ARHGEF38: variants seen among roughly 807,000 people sequenced by gnomAD.
ARHGEF38 encodes the protein Rho guanine nucleotide exchange factor 38, also known as Rho guanine nucleotide exchange factor (GEF) 38.
Under a neutral mutation model 79.9 loss-of-function variants are expected in ARHGEF38, and 79 were observed. The ratio of observed to expected loss-of-function variants is 0.99; its 90% CI spans 0.82 to 1.19. The LOEUF (loss-of-function observed/expected upper bound fraction) is 1.19. Ranked by LOEUF, ARHGEF38 falls within the 50% of genes most tolerant of loss-of-function variation. The pLI is 0.00. For missense variants in ARHGEF38, 962 were observed against 907.2 expected (o/e 1.06, Z -0.78); for synonymous variants, 366 against 328.3 (o/e 1.11, Z -1.24).
chr4:105,631,555 TC>T, intron 4 of ARHGEF38: 1 of 985,438 alleles, frequency 1.0e-6, no homozygotes, highest in Non-Finnish European at 1.2e-6. Context: ...TCCTTTCTCA[TC>T]CCTAAAACAT....
At chr4:105,648,267 G>A (rs1729939494) in intron 6 of ARHGEF38, among the ~76,000 whole-genome samples, 1 of 151,920 alleles carries the variant, frequency 6.6e-6, no homozygotes, top group Admixed American at 6.6e-5. Context: ...GAGACGAGAG[G>A]GAGAACTTTT....
chr4:105,669,978 C>A (rs1360359731), intron 13 of ARHGEF38, among the ~76,000 whole-genome samples: 1 of 152,024 alleles, frequency 6.6e-6, no homozygotes, highest in Non-Finnish European at 1.5e-5. Flanking sequence ...TACTTTGTTG[C>A]TTTTTATCGC....
intron 3 of ARHGEF38, among the ~76,000 whole-genome samples, chr4:105,614,042 AT>A (rs1267618700): frequency 2.0e-5 from 3 of 151,972 alleles, no homozygotes; most frequent in African/African-American, 7.3e-5. Context: ...TTTACTGTCA[AT>A]CAGATATATT....
intron 1 of ARHGEF38, among the ~76,000 whole-genome samples, chr4:105,571,328 T>C (rs1578265022): frequency 1.4e-5 from 2 of 143,454 alleles, no homozygotes; most frequent in Admixed American, 1.4e-4. Flanking sequence ...TTTCTTTTTT[T>C]TTTTTTTTTT....
At chr4:105,658,765 C>T (rs1175452677) in intron 9 of ARHGEF38, among the ~76,000 whole-genome samples, 1 of 152,144 alleles carries the variant, frequency 6.6e-6, no homozygotes, top group Non-Finnish European at 1.5e-5. Context: ...AAACCAAAGA[C>T]TGTAGAGAAA....
At chr4:105,581,992 C>G (rs568370327) in intron 1 of ARHGEF38, among the ~76,000 whole-genome samples, 10 of 151,854 alleles carry the variant, frequency 6.6e-5, no homozygotes, top group Admixed American at 2.0e-4. Flanking sequence ...AGTGAAACCC[C>G]GTCTCTACTA....
At chr4:105,563,735 G>T (rs1725751104) in intron 1 of ARHGEF38, among the ~76,000 whole-genome samples, 1 of 152,054 alleles carries the variant, frequency 6.6e-6, no homozygotes, top group Non-Finnish European at 1.5e-5. Flanking sequence ...ATAAACTTTT[G>T]AACAATACTC....
chr4:105,679,683 A>G lies in ARHGEF38; in HGVS notation c.*1746A>G, dbSNP rs1036197094. 3.8e-6 allele frequency: 3 copies of G among 793,310 alleles called. No homozygotes were observed. The highest frequency in any genetic ancestry group is 4.6e-6 in the Non-Finnish European group (2 of 436,732). 49.1% of individuals were successfully genotyped at this position (793,310 alleles called of 1,614,324 possible). ...TTTTAAATTTAACTAAATCCATTGT[A>G]GAAGGAACACCTACACATTTAAAAG... On this transcript the variant is annotated 3_prime_UTR_variant, in exon 14 of 14. Transcript: ENST00000420470.
intron 7 of ARHGEF38, among the ~76,000 whole-genome samples, chr4:105,653,063 G>A (rs540304580): frequency 4.6e-5 from 7 of 152,204 alleles, no homozygotes; most frequent in East Asian, 3.9e-4. Flanking sequence ...GGCTGGTTCC[G>A]ATCTTGTTTT....
At chr4:105,555,977 C>T (rs964092586) in intron 1 of ARHGEF38, among the ~76,000 whole-genome samples, 1 of 152,092 alleles carries the variant, frequency 6.6e-6, no homozygotes, top group Non-Finnish European at 1.5e-5. Context: ...ACCAGGACAT[C>T]CTAAAACCTT....
chr4:105,616,581 AG>A (rs1728519931), intron 3 of ARHGEF38, among the ~76,000 whole-genome samples: 1 of 152,096 alleles, frequency 6.6e-6, no homozygotes, highest in African/African-American at 2.4e-5. Flanking sequence ...ACCTCCCACC[AG>A]GCCCCTCCCC....
At chr4:105,557,258 A>C (rs181081210) in intron 1 of ARHGEF38, among the ~76,000 whole-genome samples, 1 of 152,156 alleles carries the variant, frequency 6.6e-6, no homozygotes, top group Non-Finnish European at 1.5e-5. Context: ...CAGTATGTAG[A>C]TATAGATATA....
intron 2 of ARHGEF38, among the ~76,000 whole-genome samples, chr4:105,594,564 C>A (rs1358023054): frequency 1.3e-5 from 2 of 152,048 alleles, no homozygotes; most frequent in Non-Finnish European, 2.9e-5. Context: ...CCAGTAAAAA[C>A]AAAACAAAAC....
intron 1 of ARHGEF38, among the ~76,000 whole-genome samples, chr4:105,582,038 G>C (rs575482220): frequency 6.6e-6 from 1 of 151,642 alleles, no homozygotes; most frequent in Non-Finnish European, 1.5e-5. Flanking sequence ...GGTGGCGGGC[G>C]CCTGTAATCC....
Position 105,626,602 on chromosome 4 carries a change from C to T in ARHGEF38, c.509-4296C>T, listed in dbSNP as rs59769161. ...CTGCAATAACTTTCTGTTTTAGCCCCTCATTGTTTATTTACCTTATTATTA... is the reference window on the plus strand; with the variant it reads ...CTGCAATAACTTTCTGTTTTAGCCCTTCATTGTTTATTTACCTTATTATTA... On this transcript the variant is annotated intron_variant, in intron 3 of 13. Transcript: ENST00000420470. Among the ~76,000 whole-genome samples the T allele has an allele frequency of 3.6e-3, 545 of 152,178 alleles. 5 individuals carry two copies. Among genetic ancestry groups the T allele is most frequent in the African/African-American group, 0.012 (508 of 41,518 alleles).
chr4:105,556,982 A>C (rs1287764201), intron 1 of ARHGEF38, among the ~76,000 whole-genome samples: 1 of 152,184 alleles, frequency 6.6e-6, no homozygotes, highest in Non-Finnish European at 1.5e-5. Context: ...ACCATATTTC[A>C]AAAATTCCTC....
chr4:105,558,425 C>T (rs907913989), intron 1 of ARHGEF38, among the ~76,000 whole-genome samples: 3 of 152,106 alleles, frequency 2.0e-5, no homozygotes, highest in African/African-American at 7.2e-5. Flanking sequence ...GTAGCTCCTT[C>T]CCCTTTATCT....
At chr4:105,575,253 A>G (rs1186602165) in intron 1 of ARHGEF38, among the ~76,000 whole-genome samples, 1 of 152,092 alleles carries the variant, frequency 6.6e-6, no homozygotes, top group African/African-American at 2.4e-5. Flanking sequence ...TAGAGGTTGT[A>G]CTCATTTACA....
chr4:105,609,354 T>A (rs1389076927), intron 2 of ARHGEF38, among the ~76,000 whole-genome samples: 1 of 152,106 alleles, frequency 6.6e-6, no homozygotes, highest in African/African-American at 2.4e-5. Flanking sequence ...TTGGTGTATG[T>A]ATCTGTTATT....
Sources: gnomAD v4.1 joint callset for allele counts (sites outside exome capture counted in the v4.1 genomes callset) on GRCh38, gnomAD v4.1.1 for gene constraint, MANE v1.5 for transcripts, NCBI Gene and HGNC (gene_info 2026-07-23, HGNC 2026-07-21) for gene names.